CEP350: variants seen among roughly 807,000 people sequenced by gnomAD.
The protein encoded by CEP350 is centrosome-associated protein 350.
Under a neutral mutation model 331.8 loss-of-function variants are expected in CEP350, and 126 were observed. The observed-to-expected ratio is 0.38, with a 90% CI of 0.33 to 0.44. CEP350 has a LOEUF of 0.44. Among genes scored for constraint, CEP350 ranks in the 20% least tolerant of loss-of-function variants. The pLI is 1.00. For synonymous variants in CEP350, 1,200 were observed against 1,259.5 expected (o/e 0.95, Z 1.00); for missense variants, 3,406 against 3,634.6 (o/e 0.94, Z 1.62).
rs757229218 is a variant in CEP350 at position 180,024,463 on chromosome 1, C to T, written c.3431C>T (p.Ala1144Val). 3.1e-6 allele frequency: 5 copies of T among 1,613,034 alleles called. No homozygotes were observed. The South Asian group carries it at 3.3e-5, about 11-fold the overall frequency. ...GAGGACCATTCTAACAGAAAGTCTG[C>T]CTATGATCCTTCCTCTGTGGATGTT... ...PQEDHSNRKS[A>V]YDPSSVDVTS... The change falls in exon 14 of 38, where the codon GCC (alanine) becomes GTC (valine). Residue 1144 changes from alanine (A) to valine (V), a missense_variant. Physicochemically the swap from Ala to Val is moderately conservative, Grantham distance 64 (BLOSUM62 0). Around this residue, in one of 5 missense-constraint regions of CEP350, gnomAD observed 1,857 missense variants for 1,909.2 expected, o/e 0.97. Transcript: ENST00000367607.
In CEP350 at chr1:180,062,235, C is replaced by T. The variant is rs139433520; in HGVS notation, c.5278C>T (p.Leu1760Phe). The change falls in exon 26 of 38, where the codon CTT (leucine) becomes TTT (phenylalanine). Residue 1760 changes from leucine to phenylalanine, a missense_variant. This residue lies in a region of CEP350 where 1,415 missense variants were observed against 1,512.3 expected (regional missense o/e 0.94). Transcript: ENST00000367607. The part of the protein sequence containing the change: ...LQQEKAEIKR[L>F]QEANKAARKE... ...TAAACCTTAGGCAGAAATAAAACGT[C>T]TTCAAGAAGCCAATAAGGCAGCTCG... 2.6e-5 allele frequency: 42 copies of T among 1,609,282 alleles called. No individual in the cohort carries two copies. The highest frequency in any genetic ancestry group is 2.4e-4 in the African/African-American group (18 of 74,856).
intron 37 of CEP350, among the ~76,000 whole-genome samples, chr1:180,107,254 A>G (rs756727415): frequency 1.3e-4 from 20 of 152,246 alleles, no homozygotes; most frequent in Non-Finnish European, 2.6e-4. Context: ...GATACACAGT[A>G]TATAATTTAG....
chr1:179,993,873 C>T (rs1449416577), intron 5 of CEP350, among the ~76,000 whole-genome samples: 3 of 152,184 alleles, frequency 2.0e-5, no homozygotes, highest in Non-Finnish European at 4.4e-5. Context: ...ATGACCAGAT[C>T]TGTTTCTACC....
intron 22 of CEP350, among the ~76,000 whole-genome samples, chr1:180,051,295 G>A (rs539289683): frequency 6.6e-6 from 1 of 152,270 alleles, no homozygotes; most frequent in East Asian, 1.9e-4. Context: ...CTGTTGAAGG[G>A]AGCACACATG....
At chr1:180,048,085 A>C (rs1571919524) in intron 21 of CEP350, among the ~76,000 whole-genome samples, 1 of 152,246 alleles carries the variant, frequency 6.6e-6, no homozygotes, top group East Asian at 1.9e-4. Context: ...AACATCTAAT[A>C]TTGCAAAGCA....
At chr1:179,968,575 A>G (rs1651195442) in intron 1 of CEP350, 7 of 326,816 alleles carry the variant, frequency 2.1e-5, no homozygotes, top group South Asian at 1.8e-4. Context: ...GTGGAAGGAG[A>G]CTTTTGAAAA....
chr1:179,956,581 T>C (rs1650188600), intron 1 of CEP350, among the ~76,000 whole-genome samples: 1 of 152,208 alleles, frequency 6.6e-6, no homozygotes, highest in Admixed American at 6.5e-5. Flanking sequence ...ATTGTCAGTC[T>C]TTTGCCCATT....
At chr1:179,982,166 A>G (rs1260164502) in intron 1 of CEP350, among the ~76,000 whole-genome samples, 1 of 152,190 alleles carries the variant, frequency 6.6e-6, no homozygotes, top group East Asian at 1.9e-4. Flanking sequence ...AAATCCATGA[A>G]TATTAGCAGT....
intron 2 of CEP350, among the ~76,000 whole-genome samples, chr1:179,986,954 C>CT (rs746305321): frequency 7.2e-5 from 11 of 151,766 alleles, no homozygotes; most frequent in East Asian, 1.9e-4. Context: ...GAGGATGCTG[C>CT]TTTTTTTTGG....
chr1:180,022,647 C>A (rs763616044), intron 12 of CEP350, 51 bp from the exon 13 acceptor site: 25 of 1,537,014 alleles, frequency 1.6e-5, no homozygotes, highest in Non-Finnish European at 1.9e-5. Flanking sequence ...GCTTTTCTTA[C>A]AGTTTCTTGA....
rs1054776782 is a variant in CEP350, at chr1:180,045,864, G to T, written c.4622+1691G>T. 3.9e-5 allele frequency among the ~76,000 whole-genome samples: 6 copies of T among 152,008 alleles called. No homozygotes were observed. The East Asian group carries it at 1.2e-3, about 29-fold the overall frequency. ...AACTTTCTTTATAATTGAGCCTTTG[G>T]TCCATCTCTAGCCCCATCTCTTGGC... On this transcript the variant is annotated intron_variant, in intron 21 of 37. Transcript: ENST00000367607.
At chr1:180,039,328 G>A (rs1468494070) in intron 17 of CEP350, among the ~76,000 whole-genome samples, 2 of 150,896 alleles carry the variant, frequency 1.3e-5, no homozygotes, top group Non-Finnish European at 3.0e-5. Flanking sequence ...AGGAGGGAAC[G>A]GAAAGAAAGG....
chr1:179,987,118 C>G, intron 2 of CEP350, 122 bp from the exon 3 acceptor site: 1 of 578,168 alleles, frequency 1.7e-6, no homozygotes, highest in Non-Finnish European at 3.1e-6. Context: ...AGGAATTGTT[C>G]TGCCTAATAA....
rs760162188 is a variant in CEP350 at position 180,095,608 on chromosome 1, C to T, written c.8597C>T (p.Ala2866Val). The T allele has an allele frequency of 9.3e-6, 15 of 1,613,622 alleles. No homozygotes were observed. Among genetic ancestry groups the T allele is most frequent in the South Asian group, 4.4e-5 (4 of 91,082 alleles). The stretch of plus-strand genomic sequence containing the variant: ...GAACTCAGCCGGGAGTTCCTGAGCG[C>T]GTTAGGAGATGATCAAGACTGGTTT... ...ELELSREFLS[A>V]LGDDQDWFDE... Residue 2866 changes from alanine to valine, a missense_variant, in exon 35 of 38, where the codon GCG becomes GTG. Ala to Val is a moderately conservative substitution (Grantham distance 64). Around this residue, in one of 5 missense-constraint regions of CEP350, gnomAD observed 1,415 missense variants for 1,512.3 expected, o/e 0.94. Transcript: ENST00000367607.
intron 37 of CEP350, among the ~76,000 whole-genome samples, chr1:180,103,164 C>T (rs1260496739): frequency 6.6e-6 from 1 of 152,170 alleles, no homozygotes; most frequent in African/African-American, 2.4e-5. Flanking sequence ...GGTCACCCCA[C>T]CCTAATCTTA....
Position 180,015,132 on chromosome 1 carries a change from T to C in CEP350, c.2052+627T>C, listed in dbSNP as rs1209714465. The stretch of plus-strand genomic sequence containing the variant: ...GAGGAAGAGGAAGAGTTGGTGTTGC[T>C]GTCTCAAGGGTGGCAGAGGCAAAAA... On this transcript the variant is annotated intron_variant, in intron 10 of 37. Coordinates refer to ENST00000367607, the MANE Select transcript of CEP350 (RefSeq NM_014810.5). 3.9e-5 allele frequency among the ~76,000 whole-genome samples: 6 copies of C among 151,970 alleles called. 1 individual carries two copies. Among genetic ancestry groups the C allele is most frequent in the African/African-American group, 1.4e-4 (6 of 41,424 alleles).
rs534475941 is a variant in CEP350, at chr1:180,098,778, C to T, written c.9067-85C>T. The T allele has an allele frequency of 2.1e-4, 217 of 1,057,992 alleles. 2 individuals carry two copies. Among genetic ancestry groups the T allele is most frequent in the Non-Finnish European group, 2.8e-4 (203 of 736,908 alleles). 65.5% of individuals were successfully genotyped at this position (1,057,992 alleles called of 1,614,324 possible). On this transcript the variant is annotated intron_variant, in intron 36 of 37. Transcript: ENST00000367607. ...TTTATTGTAAATATTATATTCTTAT[C>T]GTGAATCTGTTTACTGCATTGTAAA... is the stretch of plus-strand genomic sequence containing the variant.
chr1:180,066,270 A>G (rs1421739802), intron 27 of CEP350, among the ~76,000 whole-genome samples: 1 of 152,144 alleles, frequency 6.6e-6, no homozygotes, highest in African/African-American at 2.4e-5. Flanking sequence ...TTGCCTCTGT[A>G]ACCTCCACCC....
intron 1 of CEP350, among the ~76,000 whole-genome samples, chr1:179,979,818 G>A (rs1652146855): frequency 6.6e-6 from 1 of 152,006 alleles, no homozygotes; most frequent in African/African-American, 2.4e-5. Context: ...CCCAATGAAT[G>A]TTCTTGGCAC....
Sources: allele counts gnomAD v4.1 joint callset (sites outside exome capture counted in the v4.1 genomes callset), GRCh38; gene constraint gnomAD v4.1.1; regional missense constraint gnomAD v4.1.1; transcripts MANE v1.5; gene names NCBI Gene and HGNC (gene_info 2026-07-23, HGNC 2026-07-21).